Variants in PLA2G4F observed in about 807,000 individuals in gnomAD.
PLA2G4F encodes the protein cytosolic phospholipase A2 zeta.
PLA2G4F carries 105 observed loss-of-function variants against 103.1 expected under a neutral mutation model. That is an observed-to-expected ratio of 1.02 (90% CI 0.87 to 1.20). The LOEUF is 1.20. Among genes scored for constraint, PLA2G4F ranks in the 50% most tolerant of loss-of-function variants. The probability of loss-of-function intolerance (pLI) is 0.00; values close to 1 mark genes in which losing one functional copy is unlikely to be tolerated. For synonymous variants in PLA2G4F, 468 were observed against 441.1 expected (o/e 1.06, Z -0.76); for missense variants, 1,155 against 1,075.9 (o/e 1.07, Z -1.03).
In PLA2G4F at chr15:42,152,745, A is replaced by T; in HGVS notation, c.544T>A (p.Cys182Ser). 1 of 1,555,724 alleles carries T rather than the reference A, an allele frequency of 6.4e-7. No homozygotes were observed. The highest frequency in any genetic ancestry group is 8.7e-7 in the Non-Finnish European group (1 of 1,149,016). The change falls in exon 7 of 20, where the codon TGT (cysteine) becomes AGT (serine). Residue 182 changes from cysteine (C) to serine (S), a missense_variant. By Grantham distance (112) the Cys-to-Ser change is moderately radical. This residue lies in a region of PLA2G4F where 370 missense variants were observed against 364.9 expected (regional missense o/e 1.01). Transcript: ENST00000397272. ...CGGAGCGTGCCCTGGATTCTCAGACAGGGGTGAGCCTGAGGAAAGCAGAGG... is the reference window on the plus strand; with the variant it reads ...CGGAGCGTGCCCTGGATTCTCAGACTGGGGTGAGCCTGAGGAAAGCAGAGG... ...ITNGVLVAHP[C>S]LRIQGTLRGD...
intron 7 of PLA2G4F, 62 bp from the exon 8 acceptor site, chr15:42,150,839 T>TA: frequency 6.4e-7 from 1 of 1,555,574 alleles, no homozygotes; most frequent in Non-Finnish European, 8.7e-7. Flanking sequence ...CTCTGCGGCT[T>TA]ATGCTGGCAG....
rs2140815183 is a variant in PLA2G4F, at chr15:42,153,284, T to C, written c.534+16A>G. The C allele has an allele frequency of 1.9e-6, 3 of 1,613,820 alleles. No homozygotes were observed. Among genetic ancestry groups the C allele is most frequent in the Non-Finnish European group, 2.5e-6 (3 of 1,179,792 alleles). On this transcript the variant is annotated intron_variant, in intron 6 of 19. Coordinates refer to ENST00000397272, the MANE Select transcript of PLA2G4F (RefSeq NM_213600.4). ...CCCCAGCCCAGAACAGCGCCAAGCTTGCCTTCCCCACTCACCACCAGAACC... is the reference window on the plus strand; with the variant it reads ...CCCCAGCCCAGAACAGCGCCAAGCTCGCCTTCCCCACTCACCACCAGAACC...
chr15:42,154,014 CA>C (rs2048986321), intron 4 of PLA2G4F, 77 bp downstream of exon 4: 1 of 1,597,318 alleles, frequency 6.3e-7, no homozygotes, highest in Non-Finnish European at 8.5e-7. Context: ...CTGTGCCGAC[CA>C]GAGCCCCCTC....
At chr15:42,154,662 A>G in intron 2 of PLA2G4F, 3 of 519,678 alleles carry the variant, frequency 5.8e-6, no homozygotes, top group Non-Finnish European at 9.6e-6. Context: ...CCTGAACAGA[A>G]ATCCTGCGGC....
chr15:42,150,300 C>G (rs1566880641), intron 9 of PLA2G4F, 73 bp downstream of exon 9: 1 of 1,538,148 alleles, frequency 6.5e-7, no homozygotes, highest in East Asian at 2.3e-5. Flanking sequence ...CCTCTTGGGT[C>G]CCTCCTCCAG....
intron 7 of PLA2G4F, 126 bp from the exon 8 acceptor site, chr15:42,150,903 C>T (rs1345020986): frequency 2.7e-6 from 4 of 1,473,620 alleles, no homozygotes; most frequent in Admixed American, 2.3e-5. Context: ...CAGCTCTTAT[C>T]GCCCGCTCTC....
intron 2 of PLA2G4F, 76 bp from the exon 3 acceptor site, chr15:42,154,534 G>A: frequency 6.9e-7 from 1 of 1,448,048 alleles, no homozygotes. Context: ...GGCTAGGGCA[G>A]AAGGGGAAGG....
At chr15:42,148,573 G>A in intron 11 of PLA2G4F, 1 of 953,274 alleles carries the variant, frequency 1.0e-6, no homozygotes, top group African/African-American at 1.8e-5. Context: ...ACACATGGAT[G>A]AATGTCCCCA....
chr15:42,151,704 A>G, intron 7 of PLA2G4F: 1 of 953,048 alleles, frequency 1.0e-6, no homozygotes, highest in African/African-American at 1.8e-5. Context: ...TATTCATGCC[A>G]AGGCCTATGG....
At chr15:42,152,608 C>T (rs1214858567) in intron 7 of PLA2G4F, 80 bp downstream of exon 7, 3 of 1,445,876 alleles carry the variant, frequency 2.1e-6, no homozygotes, top group Admixed American at 2.0e-5. Flanking sequence ...AACTTCCTGC[C>T]CCAGACCCAC....
intron 14 of PLA2G4F, 84 bp from the exon 15 acceptor site, chr15:42,145,987 G>A: frequency 6.3e-7 from 1 of 1,593,826 alleles, no homozygotes; most frequent in Non-Finnish European, 8.6e-7. Context: ...CCTTGACAAT[G>A]ACAGGAAGAA....
In PLA2G4F at chr15:42,147,714, A is replaced by T. The variant is rs755688376; in HGVS notation, c.1108T>A (p.Ser370Thr). The T allele has an allele frequency of 1.2e-5, 19 of 1,614,038 alleles. No homozygotes were observed. The South Asian group carries it at 1.2e-4, about 10-fold the overall frequency. The change falls in exon 12 of 20, where the codon TCT becomes ACT. Residue 370 changes from serine (S) to threonine (T), a missense_variant. Around this residue, in one of 3 missense-constraint regions of PLA2G4F, gnomAD observed 782 missense variants for 692.9 expected, o/e 1.13. Coordinates refer to ENST00000397272, the MANE Select transcript of PLA2G4F (RefSeq NM_213600.4). ...CCTGCCAGGCTGCCGTACAGAGAAG[A>T]CATGGCTCGGGTTCCACCCCCGGAA... is the stretch of plus-strand genomic sequence containing the variant. Reference protein sequence around the residue: ...LGSGGGTRAMSSLYGSLAGLQ... With the variant: ...LGSGGGTRAMTSLYGSLAGLQ...
intron 13 of PLA2G4F, 100 bp from the exon 14 acceptor site, chr15:42,146,341 A>G (rs1298386134): frequency 9.4e-6 from 11 of 1,167,740 alleles, no homozygotes; most frequent in Non-Finnish European, 1.1e-5. Flanking sequence ...TGTGCCCACA[A>G]GAGAGGCTTT....
chr15:42,147,172 G>A lies in PLA2G4F; in HGVS notation c.1371C>T (p.Ser457=), dbSNP rs556110982. The part of the protein sequence containing the change: ...GVRERSGHSV[S]LIDLWGLLVE... The stretch of plus-strand genomic sequence containing the variant: ...CAAGGAGGCCCCAGAGGTCGATGAG[G>A]GACACGCTGTGGCCACTGCGCTCCC... The change falls in exon 13 of 20, where the codon TCC becomes TCT. Residue 457 remains serine, a synonymous_variant. Coordinates refer to ENST00000397272, the MANE Select transcript of PLA2G4F (RefSeq NM_213600.4). 1.9e-5 allele frequency: 30 copies of A among 1,612,914 alleles called. No homozygotes were observed. In the South Asian group the frequency reaches 3.2e-4, roughly 17 times the overall value.
chr15:42,147,223 C>T lies in PLA2G4F; in HGVS notation c.1320G>A (p.Gln440=), dbSNP rs764703647. ...KMGALSTERL[Q]YYTQELGVRE... The stretch of plus-strand genomic sequence containing the variant: ...GGACCCCCAGTTCCTGAGTGTAGTA[C>T]TGTAGCCGCTCCGTGGACAAAGCTC... The change falls in exon 13 of 20, where the codon CAG becomes CAA. Residue 440 remains glutamine, a synonymous_variant. Coordinates refer to ENST00000397272, the MANE Select transcript of PLA2G4F (RefSeq NM_213600.4). 9.9e-6 allele frequency: 16 copies of T among 1,612,800 alleles called. No individual in the cohort carries two copies. The highest frequency in any genetic ancestry group is 1.3e-5 in the Non-Finnish European group (15 of 1,180,002).
chr15:42,145,764 A>C lies in PLA2G4F; in HGVS notation c.1672+2T>G. 6.2e-7 allele frequency: 1 copy of C among 1,613,860 alleles called. No homozygotes were observed. Among genetic ancestry groups the C allele is most frequent in the Non-Finnish European group, 8.5e-7 (1 of 1,179,960 alleles). ...GTCCCCAGCCCTCCAGCCTCGACTC[A>C]CCTTGCAGGTAACAGATCCGGGGTT... On this transcript the variant is annotated splice_donor_variant, in intron 15 of 19. Coordinates refer to ENST00000397272, the MANE Select transcript of PLA2G4F (RefSeq NM_213600.4). LOFTEE classifies it high-confidence loss of function.
At position 42,153,226 on chromosome 15, in the gene PLA2G4F, C is replaced by T. The variant is rs2048977067; in HGVS notation, c.534+74G>A. Reference sequence around the variant, plus strand: ...TGGGTGTCCTTCAGAGGCAACTGGGCCTGATGGGCCCTGTCACGGGTTCCT... The same window carrying T: ...TGGGTGTCCTTCAGAGGCAACTGGGTCTGATGGGCCCTGTCACGGGTTCCT... On this transcript the variant is annotated intron_variant, in intron 6 of 19. Transcript: ENST00000397272. The T allele has an allele frequency of 2.0e-6, 3 of 1,497,944 alleles. 1 individual carries two copies. In the South Asian group the frequency reaches 3.7e-5, roughly 18 times the overall value. 92.8% of individuals were successfully genotyped at this position (1,497,944 alleles called of 1,614,324 possible).
Position 42,153,514 on chromosome 15 carries a change from C to A in PLA2G4F, c.491+106G>T, listed in dbSNP as rs920925102. ...GGTGTCAAGACCAGGCCATTGCCTCCAGGCCAGGCCTCCAAGGCCAGTGCA... is the reference window on the plus strand; with the variant it reads ...GGTGTCAAGACCAGGCCATTGCCTCAAGGCCAGGCCTCCAAGGCCAGTGCA... On this transcript the variant is annotated intron_variant, in intron 5 of 19. Coordinates refer to ENST00000397272, the MANE Select transcript of PLA2G4F (RefSeq NM_213600.4). 2.2e-5 allele frequency: 33 copies of A among 1,518,614 alleles called. No homozygotes were observed. The Admixed American group carries it at 3.6e-4, about 17-fold the overall frequency. The allele number at this position is 1,518,614 out of a possible 1,614,324, so 94.1% of individuals were successfully genotyped here. A position where few individuals can be genotyped will look rare whatever the true frequency, so the allele number is the denominator to read the frequency against.
chr15:42,152,618 C>T, intron 7 of PLA2G4F, 70 bp downstream of exon 7: 1 of 1,490,246 alleles, frequency 6.7e-7, no homozygotes, highest in South Asian at 1.2e-5. Context: ...CCCAGACCCA[C>T]CTCCTTGACA....
Sources: gnomAD v4.1 joint callset for allele counts on GRCh38, gnomAD v4.1.1 for gene constraint, gnomAD v4.1.1 regional missense constraint, MANE v1.5 for transcripts, NCBI Gene and HGNC (gene_info 2026-07-23, HGNC 2026-07-21) for gene names.